ST6GALNAC3: variants seen among roughly 807,000 people sequenced by gnomAD.
The protein encoded by ST6GALNAC3 is alpha-N-acetylgalactosaminide alpha-2,6-sialyltransferase 3.
Under a neutral mutation model 32.7 loss-of-function variants are expected in ST6GALNAC3, and 25 were observed. The observed-to-expected ratio is 0.76, with a 90% CI of 0.56 to 1.07. The LOEUF (loss-of-function observed/expected upper bound fraction) is 1.07. ST6GALNAC3 is among the 50% of genes least tolerant of loss of function. The probability of loss-of-function intolerance (pLI) is 0.00; values close to 1 mark genes in which losing one functional copy is unlikely to be tolerated. For synonymous variants in ST6GALNAC3, 129 were observed against 133.1 expected (o/e 0.97, Z 0.21); for missense variants, 355 against 382.4 (o/e 0.93, Z 0.60).
chr1:76,502,458 T>A (rs1264195753), intron 3 of ST6GALNAC3, among the ~76,000 whole-genome samples: 1 of 152,012 alleles, frequency 6.6e-6, no homozygotes, highest in African/African-American at 2.4e-5. Flanking sequence ...GTCAGCAGAG[T>A]TGGTTCTTTC....
chr1:76,136,829 A>AT (rs1046324241), intron 1 of ST6GALNAC3, among the ~76,000 whole-genome samples: 10 of 152,254 alleles, frequency 6.6e-5, no homozygotes, highest in Non-Finnish European at 1.2e-4. Flanking sequence ...CTTGGTGAGA[A>AT]TTTTTTTGTA....
intron 3 of ST6GALNAC3, among the ~76,000 whole-genome samples, chr1:76,429,700 T>G (rs2101434853): frequency 6.6e-6 from 1 of 152,252 alleles, no homozygotes; most frequent in East Asian, 1.9e-4. Flanking sequence ...CAGGTTTCAC[T>G]TACAGAATGA....
rs2100608979 is a variant in ST6GALNAC3 at position 76,222,540 on chromosome 1, T to TA, written c.19-91260dup. 1.3e-5 allele frequency among the ~76,000 whole-genome samples: 2 copies of TA among 152,190 alleles called. 1 individual carries two copies. Among genetic ancestry groups the TA allele is most frequent in the South Asian group, 4.1e-4 (2 of 4,828 alleles). ...AATATTCAGTATGTATAAGGAATTT[T>TA]AAAAATTTACAAGCAATGCTTAATG... On this transcript the variant is annotated intron_variant, in intron 1 of 4. Transcript: ENST00000328299.
chr1:76,270,520 A>G (rs903507281), intron 1 of ST6GALNAC3, among the ~76,000 whole-genome samples: 13 of 151,580 alleles, frequency 8.6e-5, no homozygotes, highest in Non-Finnish European at 1.8e-4. Context: ...AAAAAAAAAA[A>G]AAAAAAAAAA....
At chr1:76,581,982 A>G (rs1398214385) in intron 3 of ST6GALNAC3, among the ~76,000 whole-genome samples, 1 of 152,032 alleles carries the variant, frequency 6.6e-6, no homozygotes, top group African/African-American at 2.4e-5. Flanking sequence ...CCTTGTTACT[A>G]TTTTTAGTCA....
intron 1 of ST6GALNAC3, among the ~76,000 whole-genome samples, chr1:76,270,380 G>T (rs960512395): frequency 6.6e-6 from 1 of 151,856 alleles, no homozygotes; most frequent in Non-Finnish European, 1.5e-5. Context: ...GGTGGCAGGT[G>T]CCTGTAATCC....
chr1:76,577,851 A>C (rs1452982020), intron 3 of ST6GALNAC3, among the ~76,000 whole-genome samples: 2 of 152,012 alleles, frequency 1.3e-5, no homozygotes, highest in African/African-American at 2.4e-5. Context: ...TTTTCCCTAA[A>C]TTTATCTCCT....
intron 3 of ST6GALNAC3, among the ~76,000 whole-genome samples, chr1:76,433,449 A>G (rs1335282758): frequency 6.6e-6 from 1 of 152,302 alleles, no homozygotes; most frequent in Non-Finnish European, 1.5e-5. Context: ...CATCTTTCTT[A>G]TAGCATTCTG....
chr1:76,537,034 C>T (rs577191084), intron 3 of ST6GALNAC3, among the ~76,000 whole-genome samples: 7 of 152,304 alleles, frequency 4.6e-5, no homozygotes, highest in Admixed American at 1.3e-4. Context: ...ACAGACTATA[C>T]GTTCTTCTCA....
chr1:76,238,546 C>A (rs1656787258), intron 1 of ST6GALNAC3, among the ~76,000 whole-genome samples: 1 of 152,156 alleles, frequency 6.6e-6, no homozygotes, highest in African/African-American at 2.4e-5. Context: ...AGAAGCTCAA[C>A]AATTTAGCTG....
rs541265408 is a variant in ST6GALNAC3 at position 76,374,550 on chromosome 1, A to G, written c.214-37458A>G. Among the ~76,000 whole-genome samples the G allele has an allele frequency of 5.3e-5, 8 of 152,366 alleles. No homozygotes were observed. The South Asian group carries it at 1.2e-3, about 24-fold the overall frequency. On this transcript the variant is annotated intron_variant, in intron 2 of 4. Transcript: ENST00000328299. ...ACAGACATCTGACATGTCTAATGAC[A>G]TGAACATATCGTAGATTCTTTAAGA...
At position 76,632,979 on chromosome 1, in the gene ST6GALNAC3, C is replaced by T. The variant is rs1475943657; in HGVS notation, c.*4173C>T. ...AAACAGCATATTTAAAAGACAAGAC[C>T]TCATCATTTCAGTAGTGTACATAGA... On this transcript the variant is annotated 3_prime_UTR_variant, in exon 5 of 5. Transcript: ENST00000328299. The T allele has an allele frequency of 3.9e-5, 6 of 151,992 alleles. 1 individual carries two copies. The highest frequency in any genetic ancestry group is 8.8e-5 in the Non-Finnish European group (6 of 68,008). 9.4% of individuals were successfully genotyped at this position (151,992 alleles called of 1,614,324 possible).
chr1:76,153,485 C>T lies in ST6GALNAC3; in HGVS notation c.18+78601C>T, dbSNP rs569950157. ...TCAGGACCTCACCTGCCTGTGCGTG[C>T]GAAATTACACCTGAGATGGAGTGGC... On this transcript the variant is annotated intron_variant, in intron 1 of 4. Coordinates refer to ENST00000328299, the MANE Select transcript of ST6GALNAC3 (RefSeq NM_152996.4). Among the ~76,000 whole-genome samples, 8 of 152,212 alleles carry T rather than the reference C, an allele frequency of 5.3e-5. No individual in the cohort carries two copies. The South Asian group carries it at 8.3e-4, about 16-fold the overall frequency.
intron 3 of ST6GALNAC3, among the ~76,000 whole-genome samples, chr1:76,476,880 AT>A (rs1347807683): frequency 1.3e-5 from 2 of 152,048 alleles, no homozygotes; most frequent in African/African-American, 4.8e-5. Flanking sequence ...TTCTACAGAC[AT>A]TTTCCTATCA....
chr1:76,080,486 A>C (rs1188690179), intron 1 of ST6GALNAC3, among the ~76,000 whole-genome samples: 1 of 152,000 alleles, frequency 6.6e-6, no homozygotes, highest in Non-Finnish European at 1.5e-5. Context: ...TCCTCATATA[A>C]AATCTGGGGC....
At chr1:76,360,051 A>C (rs1193508258) in intron 2 of ST6GALNAC3, among the ~76,000 whole-genome samples, 1 of 152,218 alleles carries the variant, frequency 6.6e-6, no homozygotes, top group East Asian at 1.9e-4. Context: ...ACTAATAGTT[A>C]ATAAGAGCTA....
intron 1 of ST6GALNAC3, among the ~76,000 whole-genome samples, chr1:76,132,973 C>T (rs1263828649): frequency 6.6e-6 from 1 of 152,074 alleles, no homozygotes; most frequent in Non-Finnish European, 1.5e-5. Flanking sequence ...GTAGCATACA[C>T]TGTGATTATG....
intron 3 of ST6GALNAC3, among the ~76,000 whole-genome samples, chr1:76,523,222 T>A (rs1052980706): frequency 2.1e-4 from 32 of 152,216 alleles, no homozygotes; most frequent in African/African-American, 7.2e-4. Context: ...AATTATCTGA[T>A]AAAATTCTCC....
intron 1 of ST6GALNAC3, among the ~76,000 whole-genome samples, chr1:76,257,675 C>T (rs1001753434): frequency 5.9e-5 from 9 of 152,020 alleles, no homozygotes; most frequent in African/African-American, 1.9e-4. Flanking sequence ...TCTGCTCTGC[C>T]GCCATCTATT....
Sources: allele counts gnomAD v4.1 joint callset (sites outside exome capture counted in the v4.1 genomes callset), GRCh38; gene constraint gnomAD v4.1.1; transcripts MANE v1.5; gene names NCBI Gene and HGNC (gene_info 2026-07-23, HGNC 2026-07-21).